Variants in OSBPL10 observed in about 807,000 individuals in gnomAD.
OSBPL10 encodes the protein oxysterol-binding protein-related protein 10.
OSBPL10 carries 49 observed loss-of-function variants against 81.7 expected under a neutral mutation model. That is an observed-to-expected ratio of 0.60 (90% CI 0.48 to 0.76). OSBPL10 has a LOEUF of 0.76. OSBPL10 is among the 30% of genes least tolerant of loss of function. OSBPL10 has a pLI of 0.00. For missense variants in OSBPL10, 923 were observed against 987.8 expected (o/e 0.93, Z 0.88); for synonymous variants, 419 against 383.6 (o/e 1.09, Z -1.08).
intron 2 of OSBPL10, 40 bp from the exon 3 acceptor site, chr3:31,876,552 T>C (rs1267619474): frequency 3.9e-6 from 6 of 1,555,622 alleles, no homozygotes; most frequent in Non-Finnish European, 5.3e-6. Context: ...ATTGCAGAGA[T>C]TGTTCCAAAA....
At chr3:31,795,843 A>C (rs1010869990) in intron 4 of OSBPL10, 1 of 248,292 alleles carries the variant, frequency 4.0e-6, no homozygotes, top group Non-Finnish European at 9.0e-6. Context: ...ACACTGGAGA[A>C]AGGCCATATG....
chr3:32,041,721 G>A (rs1409276507), intron 2 of OSBPL10, among the ~76,000 whole-genome samples: 1 of 151,884 alleles, frequency 6.6e-6, no homozygotes, highest in East Asian at 1.9e-4. Context: ...GCAGTGGCAT[G>A]ATCTTGGCTC....
intron 1 of OSBPL10, among the ~76,000 whole-genome samples, chr3:31,897,896 T>G (rs1696102257): frequency 6.7e-6 from 1 of 150,338 alleles, no homozygotes; most frequent in Non-Finnish European, 1.5e-5. Context: ...TAGTCCCAGC[T>G]ACTAGGGAGG....
intron 5 of OSBPL10, among the ~76,000 whole-genome samples, chr3:31,734,593 C>T (rs1361871626): frequency 1.3e-5 from 2 of 152,022 alleles, no homozygotes; most frequent in Non-Finnish European, 2.9e-5. Context: ...TAAAAATAAG[C>T]CAGGTGTGGT....
rs577942744 is a variant in OSBPL10 at position 31,811,905 on chromosome 3, A to G, written c.729+18135T>C. Among the ~76,000 whole-genome samples, 123 of 152,356 alleles carry G rather than the reference A, an allele frequency of 8.1e-4. 1 individual carries two copies. The highest frequency in any genetic ancestry group is 1.2e-3 in the Admixed American group (19 of 15,300). ...GTCTTCTAAATCTGGCCTAGATTATACTTATTAATAATTCAAAGTCTAATT... is the reference window on the plus strand; with the variant it reads ...GTCTTCTAAATCTGGCCTAGATTATGCTTATTAATAATTCAAAGTCTAATT... On this transcript the variant is annotated intron_variant, in intron 4 of 11. Coordinates refer to ENST00000396556, the MANE Select transcript of OSBPL10 (RefSeq NM_017784.5).
intron 2 of OSBPL10, chr3:31,990,835 A>C: frequency 6.3e-7 from 1 of 1,590,842 alleles, no homozygotes; most frequent in Admixed American, 1.8e-5. Flanking sequence ...AAAACAAAGG[A>C]GAATTCATAT....
At chr3:31,734,937 T>C (rs1212986553) in intron 5 of OSBPL10, among the ~76,000 whole-genome samples, 1 of 152,230 alleles carries the variant, frequency 6.6e-6, no homozygotes, top group Non-Finnish European at 1.5e-5. Flanking sequence ...TTAGAATTAC[T>C]CAAAGAAAAG....
chr3:31,875,082 T>TAAAA (rs555527834), intron 3 of OSBPL10, among the ~76,000 whole-genome samples: 1,523 of 102,970 alleles, frequency 0.015, 19 homozygotes, highest in Non-Finnish European at 0.021. Context: ...ATATATTAAG[T>TAAAA]AAAAAAAAAA....
chr3:31,774,176 A>G (rs1035956322), intron 4 of OSBPL10, among the ~76,000 whole-genome samples: 2 of 139,530 alleles, frequency 1.4e-5, no homozygotes, highest in Admixed American at 6.8e-5. Context: ...AAAAAAAAAA[A>G]AAAGAAAGAC....
At chr3:31,845,497 T>C (rs1385124548) in intron 3 of OSBPL10, among the ~76,000 whole-genome samples, 5 of 152,200 alleles carry the variant, frequency 3.3e-5, no homozygotes, top group Non-Finnish European at 7.3e-5. Flanking sequence ...TTTCCACATT[T>C]TATTATGTGC....
At chr3:31,972,922 C>G (rs558528811) in intron 1 of OSBPL10, among the ~76,000 whole-genome samples, 2 of 152,100 alleles carry the variant, frequency 1.3e-5, no homozygotes, top group Non-Finnish European at 2.9e-5. Context: ...CAACAAAAGA[C>G]CATATATAAT....
rs1699750614 is a variant in OSBPL10 at position 32,060,900 on chromosome 3, G to A, written n.186-14297C>T. On this transcript the variant is annotated intron_variant and non_coding_transcript_variant, in intron 1 of 3. Coordinates refer to the OSBPL10 transcript ENST00000479173. ...AGGCGGGAGAACCGCTTGAACCTGG[G>A]AGGCGGAGGTTTCGGTGAGCCGAGA... Among the ~76,000 whole-genome samples the A allele has an allele frequency of 2.4e-5, 2 of 81,880 alleles. 1 individual carries two copies. 53.7% of individuals were successfully genotyped at this position (81,880 alleles called of 152,430 possible).
intron 2 of OSBPL10, among the ~76,000 whole-genome samples, chr3:32,016,274 T>G (rs6805608): frequency 0.16 from 23,574 of 152,046 alleles, 2,603 homozygotes; most frequent in East Asian, 0.32. Flanking sequence ...CTATAAAAAA[T>G]GATGAGTTCA....
chr3:31,992,913 G>A (rs1198808294), intron 2 of OSBPL10, among the ~76,000 whole-genome samples: 1 of 152,200 alleles, frequency 6.6e-6, no homozygotes, highest in Admixed American at 6.5e-5. Flanking sequence ...TGAGGCAGGA[G>A]TATCACTTGA....
intron 7 of OSBPL10, among the ~76,000 whole-genome samples, chr3:31,688,283 T>TCTCA (rs1246299416): frequency 0.014 from 1,582 of 115,438 alleles, 16 homozygotes; most frequent in East Asian, 0.029. Flanking sequence ...TCTCTCTCTC[T>TCTCA]CACACACACA....
intron 4 of OSBPL10, among the ~76,000 whole-genome samples, chr3:31,767,804 T>C (rs1417938826): frequency 1.3e-5 from 2 of 152,182 alleles, no homozygotes; most frequent in African/African-American, 4.8e-5. Context: ...TCTGCTTCAG[T>C]TATCACAATT....
intron 4 of OSBPL10, among the ~76,000 whole-genome samples, chr3:31,768,112 T>A (rs892177153): frequency 6.6e-6 from 1 of 152,220 alleles, no homozygotes; most frequent in Non-Finnish European, 1.5e-5. Context: ...TTCCTCCTCC[T>A]TTTAGGCCAT....
intron 1 of OSBPL10, among the ~76,000 whole-genome samples, chr3:31,940,221 A>C (rs1040497232): frequency 6.6e-6 from 1 of 152,252 alleles, no homozygotes; most frequent in Non-Finnish European, 1.5e-5. Flanking sequence ...GAACCCATAC[A>C]ATGGAACACT....
At chr3:31,665,426 G>A (rs779343377) in intron 10 of OSBPL10, among the ~76,000 whole-genome samples, 16 of 152,174 alleles carry the variant, frequency 1.1e-4, no homozygotes, top group African/African-American at 4.8e-5. Flanking sequence ...TATCTACAGC[G>A]GGTGTCCTTA....
Sources: gnomAD v4.1 joint callset for allele counts (sites outside exome capture counted in the v4.1 genomes callset) on GRCh38, gnomAD v4.1.1 for gene constraint, MANE v1.5 for transcripts, NCBI Gene and HGNC (gene_info 2026-07-23, HGNC 2026-07-21) for gene names.